Variants in SCAPER observed in about 807,000 individuals in gnomAD.
The protein encoded by SCAPER is S phase cyclin A-associated protein in the endoplasmic reticulum.
A neutral mutation model predicts 182.2 loss-of-function variants in SCAPER; 98 were observed. The ratio of observed to expected loss-of-function variants is 0.54; its 90% confidence interval spans 0.46 to 0.64. The LOEUF (loss-of-function observed/expected upper bound fraction) is 0.64. Ranked by LOEUF, SCAPER falls within the 30% of genes least tolerant of loss-of-function variation. SCAPER has a pLI of 0.00. For synonymous variants in SCAPER, 605 were observed against 564.6 expected (o/e 1.07, Z -1.01); for missense variants, 1,432 against 1,690.0 (o/e 0.85, Z 2.68).
intron 23 of SCAPER, among the ~76,000 whole-genome samples, chr15:76,555,832 A>G (rs543077976): frequency 6.6e-6 from 1 of 152,314 alleles, no homozygotes; most frequent in African/African-American, 2.4e-5. Context: ...ATTGAGGCAA[A>G]GAACTAACAA....
At chr15:76,587,916 TTTTTC>T (rs1284769258) in intron 22 of SCAPER, among the ~76,000 whole-genome samples, 1 of 150,932 alleles carries the variant, frequency 6.6e-6, no homozygotes, top group East Asian at 1.9e-4. Flanking sequence ...TTCTCATTTC[TTTTTC>T]TTTTCTTTTT....
chr15:76,471,841 G>C (rs2050200961), intron 24 of SCAPER, among the ~76,000 whole-genome samples: 1 of 152,162 alleles, frequency 6.6e-6, no homozygotes, highest in African/African-American at 2.4e-5. Context: ...CTTGGAGGCG[G>C]GGCATGGATG....
In SCAPER at chr15:76,765,350, G is replaced by A. The variant is rs777026305; in HGVS notation, c.1600C>T (p.Pro534Ser). The change falls in exon 13 of 32, where the codon CCC (proline) becomes TCC (serine). Residue 534 changes from proline to serine, a missense_variant. Transcript: ENST00000563290. The part of the protein sequence containing the change: ...GIHMHEKLSS[P>S]SRKRTIAESK... ...CAAATGCCAGACCTTTTACGAGAGG[G>A]TGAAGAAAGTTTTTCATGCATGTGA... 9 of 1,612,144 alleles carry A rather than the reference G, an allele frequency of 5.6e-6. No individual in the cohort carries two copies. Among genetic ancestry groups the A allele is most frequent in the Admixed American group, 5.0e-5 (3 of 59,836 alleles).
At chr15:76,468,606 C>A (rs936947693) in intron 25 of SCAPER, among the ~76,000 whole-genome samples, 1 of 152,126 alleles carries the variant, frequency 6.6e-6, no homozygotes, top group Admixed American at 6.6e-5. Flanking sequence ...TTATGAGGAG[C>A]TGAGAACTAA....
intron 26 of SCAPER, among the ~76,000 whole-genome samples, chr15:76,416,554 T>C (rs1027972836): frequency 6.6e-6 from 1 of 152,096 alleles, no homozygotes; most frequent in Non-Finnish European, 1.5e-5. Flanking sequence ...AGAATGATGA[T>C]ACCCAATATT....
rs113208054 is a variant in SCAPER, at chr15:76,581,739, C to A, written c.2712-7455G>T. Among the ~76,000 whole-genome samples the A allele has an allele frequency of 8.1e-3, 1,225 of 152,154 alleles. 11 individuals are homozygous for A. The highest frequency in any genetic ancestry group is 0.028 in the African/African-American group (1,165 of 41,506). On this transcript the variant is annotated intron_variant, in intron 22 of 31. Transcript: ENST00000563290. ...TAGCTGGAACTACAGGCTCACACCA[C>A]CATGCCTGGCTAATTTTTTGTATTT...
chr15:76,709,076 G>A lies in SCAPER; in HGVS notation c.2166-3092C>T, dbSNP rs76674667. 2.1e-3 allele frequency among the ~76,000 whole-genome samples: 325 copies of A among 152,024 alleles called. 1 individual carries two copies. Among genetic ancestry groups the A allele is most frequent in the Non-Finnish European group, 3.6e-3 (247 of 67,930 alleles). On this transcript the variant is annotated intron_variant, in intron 17 of 31. Transcript: ENST00000563290. ...AAAGAAAAGAAAAAAGAGTGAAGGAGAGATATCACTATAAATCATGCTCAA... is the reference window on the plus strand; with the variant it reads ...AAAGAAAAGAAAAAAGAGTGAAGGAAAGATATCACTATAAATCATGCTCAA...
At chr15:76,367,388 C>T (rs138151415) in intron 29 of SCAPER, among the ~76,000 whole-genome samples, 23 of 152,310 alleles carry the variant, frequency 1.5e-4, no homozygotes, top group Admixed American at 7.8e-4. Flanking sequence ...ATTACAAACA[C>T]CCCCTCCATG....
intron 20 of SCAPER, among the ~76,000 whole-genome samples, chr15:76,675,492 C>T (rs562631540): frequency 6.6e-6 from 1 of 152,264 alleles, no homozygotes; most frequent in Admixed American, 6.5e-5. Flanking sequence ...GCTTGGTTCT[C>T]TTATGTCTGA....
At chr15:76,726,446 A>C (rs1438887415) in intron 17 of SCAPER, among the ~76,000 whole-genome samples, 1 of 151,620 alleles carries the variant, frequency 6.6e-6, no homozygotes, top group Admixed American at 6.6e-5. Context: ...GAAAAACAGT[A>C]GGGTTCTCTT....
chr15:76,388,080 C>T (rs377621399), intron 27 of SCAPER, among the ~76,000 whole-genome samples: 5 of 152,286 alleles, frequency 3.3e-5, no homozygotes, highest in African/African-American at 9.6e-5. Context: ...CTGGGTGCAG[C>T]GCTAATTCAG....
chr15:76,658,239 C>T (rs1384683734), intron 21 of SCAPER, among the ~76,000 whole-genome samples: 3 of 152,146 alleles, frequency 2.0e-5, no homozygotes, highest in Admixed American at 6.5e-5. Context: ...AATCAATGTA[C>T]AAAAATCAGT....
Position 76,602,318 on chromosome 15 carries a change from T to C in SCAPER, c.2711+19446A>G, listed in dbSNP as rs113378359. The stretch of plus-strand genomic sequence containing the variant: ...TGCAAGGCAAGTCTAATAGCAACAA[T>C]TCCCTCAATTTAGTTTATCTGAAAA... On this transcript the variant is annotated intron_variant, in intron 22 of 31. Transcript: ENST00000563290. Among the ~76,000 whole-genome samples the C allele has an allele frequency of 2.7e-3, 328 of 121,722 alleles. 48 individuals carry two copies. Among genetic ancestry groups the C allele is most frequent in the African/African-American group, 7.3e-3 (291 of 39,954 alleles). The allele number at this position is 121,722 out of a possible 152,430, so 79.9% of individuals were successfully genotyped here. A position where few individuals can be genotyped will look rare whatever the true frequency, so the allele number is the denominator to read the frequency against.
chr15:76,603,879 T>C (rs2050120052), intron 22 of SCAPER, among the ~76,000 whole-genome samples: 1 of 120,748 alleles, frequency 8.3e-6, no homozygotes, highest in Non-Finnish European at 2.0e-5. Flanking sequence ...GATGGGGTTG[T>C]TTTTTTTCTT....
At chr15:76,494,521 A>G (rs1402293864) in intron 24 of SCAPER, among the ~76,000 whole-genome samples, 1 of 152,180 alleles carries the variant, frequency 6.6e-6, no homozygotes, top group Non-Finnish European at 1.5e-5. Context: ...AGCAACTCAC[A>G]GTTTTTTTAT....
At chr15:76,761,995 C>T (rs956759158) in intron 14 of SCAPER, among the ~76,000 whole-genome samples, 2 of 152,076 alleles carry the variant, frequency 1.3e-5, no homozygotes, top group Non-Finnish European at 2.9e-5. Flanking sequence ...ATTGTTGTAT[C>T]CTCCTGTTAA....
At chr15:76,698,189 T>C (rs1001898223) in intron 20 of SCAPER, among the ~76,000 whole-genome samples, 8 of 152,156 alleles carry the variant, frequency 5.3e-5, no homozygotes, top group African/African-American at 1.9e-4. Context: ...ACTAGATTAT[T>C]AGTTCCATGT....
intron 27 of SCAPER, among the ~76,000 whole-genome samples, chr15:76,384,113 CA>C (rs1220301561): frequency 6.6e-6 from 1 of 151,988 alleles, no homozygotes; most frequent in East Asian, 1.9e-4. Flanking sequence ...ATATAGGTTC[CA>C]AAAAGGGGCC....
intron 5 of SCAPER, among the ~76,000 whole-genome samples, chr15:76,819,534 T>C (rs1418364796): frequency 2.0e-5 from 3 of 152,106 alleles, no homozygotes; most frequent in Non-Finnish European, 4.4e-5. Flanking sequence ...TCCTGAATGT[T>C]AGAAGGAAAA....
Sources: gnomAD v4.1 joint callset for allele counts (sites outside exome capture counted in the v4.1 genomes callset) on GRCh38, gnomAD v4.1.1 for gene constraint, MANE v1.5 for transcripts, NCBI Gene and HGNC (gene_info 2026-07-23, HGNC 2026-07-21) for gene names.